The following GFOD1 variants were observed in gnomAD, a reference collection of about 807,000 sequenced individuals.
GFOD1 encodes glucose-fructose oxidoreductase domain-containing protein 1.
In GFOD1, 9 loss-of-function variants were observed where a neutral mutation model predicts 25.4. The ratio of observed to expected loss-of-function variants is 0.35; its 90% CI spans 0.21 to 0.62. The LOEUF (loss-of-function observed/expected upper bound fraction) is 0.62. Ranked by LOEUF, GFOD1 falls within the 20% of genes least tolerant of loss-of-function variation. The pLI is 0.72. For missense variants in GFOD1, 403 were observed against 556.9 expected (o/e 0.72, Z 2.78); for synonymous variants, 253 against 245.6 (o/e 1.03, Z -0.28).
At chr6:13,446,469 A>G (rs1758004843) in intron 1 of GFOD1, among the ~76,000 whole-genome samples, 1 of 152,160 alleles carries the variant, frequency 6.6e-6, no homozygotes, top group South Asian at 2.1e-4. Flanking sequence ...GGGAGGATCC[A>G]CATCCTGAAA....
chr6:13,388,901 T>C (rs935811820), intron 1 of GFOD1, among the ~76,000 whole-genome samples: 14 of 152,060 alleles, frequency 9.2e-5, no homozygotes, highest in Non-Finnish European at 1.5e-5. Flanking sequence ...TACAAAGAAC[T>C]TAAACAAATT....
intron 1 of GFOD1, chr6:13,470,280 T>C: frequency 6.3e-7 from 1 of 1,590,036 alleles, no homozygotes; most frequent in Non-Finnish European, 8.6e-7. Context: ...GAATCCCCCA[T>C]GCCAGCAGGC....
chr6:13,364,729 G>A lies in GFOD1; in HGVS notation c.*14C>T. The stretch of plus-strand genomic sequence containing the variant: ...CCTGCAGAAGGCTCAAGTCCCCGAG[G>A]TTCTCAATCTGTGCTAACAGTAGAG... On this transcript the variant is annotated 3_prime_UTR_variant, in exon 2 of 2. Transcript: ENST00000379287. This position sits in a 1 kb window ranked among gnomAD's most constrained non-coding sequence, Gnocchi z 4.1. 4 of 1,595,754 alleles carry A rather than the reference G, an allele frequency of 2.5e-6. No individual in the cohort carries two copies. The highest frequency in any genetic ancestry group is 1.1e-5 in the South Asian group (1 of 90,398).
intron 1 of GFOD1, among the ~76,000 whole-genome samples, chr6:13,391,522 A>G (rs1268608509): frequency 6.6e-6 from 1 of 151,604 alleles, no homozygotes; most frequent in Non-Finnish European, 1.5e-5. Context: ...AAAAAAAAAA[A>G]AAAAAAAAGA....
intron 1 of GFOD1, chr6:13,470,449 C>T (rs541729528): frequency 6.5e-7 from 1 of 1,550,268 alleles, no homozygotes; most frequent in Non-Finnish European, 8.7e-7. Flanking sequence ...AGACAGGCTG[C>T]ATCCCTAAGG....
chr6:13,428,216 G>A (rs557822561), intron 1 of GFOD1, among the ~76,000 whole-genome samples: 9 of 152,264 alleles, frequency 5.9e-5, no homozygotes, highest in Admixed American at 2.6e-4. Flanking sequence ...CCCACTTTGC[G>A]GTCTCTCTGC....
intron 1 of GFOD1, among the ~76,000 whole-genome samples, chr6:13,399,758 A>C (rs1785806059): frequency 6.6e-6 from 1 of 152,222 alleles, no homozygotes; most frequent in South Asian, 2.1e-4. Flanking sequence ...AATGCACCAA[A>C]AAGTCAACTA....
chr6:13,479,031 CTGAAGCTTGGCTTAGGTACCATCCCT>C (rs1295861544), intron 1 of GFOD1, among the ~76,000 whole-genome samples: 7 of 149,358 alleles, frequency 4.7e-5, no homozygotes, highest in African/African-American at 1.7e-4. Flanking sequence ...AATATGACAC[CTGAAGCTTGGCTTAGGTACCATCCCT>C]TTACCAAAAA....
At chr6:13,462,480 A>G (rs936489689) in intron 1 of GFOD1, among the ~76,000 whole-genome samples, 3 of 152,166 alleles carry the variant, frequency 2.0e-5, no homozygotes, top group African/African-American at 4.8e-5. Context: ...CTCACACCCA[A>G]TTCATCTTCA....
At chr6:13,486,247 T>TCCCCCCCCCCCCCCCC (rs373896526) in intron 1 of GFOD1, 40 of 116,318 alleles carry the variant, frequency 3.4e-4, no homozygotes, top group African/African-American at 1.0e-3. Context: ...CACCCCCCCA[T>TCCCCCCCCCCCCCCCC]CCCCCCCCCC....
intron 1 of GFOD1, among the ~76,000 whole-genome samples, chr6:13,443,699 C>T (rs1395220849): frequency 5.3e-5 from 8 of 151,672 alleles, no homozygotes; most frequent in Admixed American, 5.3e-4. Context: ...ACCTGTAATC[C>T]CAGCTACTCG....
intron 1 of GFOD1, among the ~76,000 whole-genome samples, chr6:13,455,235 G>A (rs1450883282): frequency 1.3e-5 from 2 of 152,080 alleles, no homozygotes. Context: ...GGTGGGTCAG[G>A]TTTCTGACCC....
chr6:13,455,675 AAT>A (rs1445326785), intron 1 of GFOD1, among the ~76,000 whole-genome samples: 1 of 152,138 alleles, frequency 6.6e-6, no homozygotes, highest in East Asian at 1.9e-4. Context: ...AAGAGAAATA[AAT>A]GTTTCAGCCA....
intron 1 of GFOD1, chr6:13,486,360 G>A: frequency 1.9e-6 from 1 of 538,084 alleles, no homozygotes; most frequent in Non-Finnish European, 3.3e-6. Context: ...TTCCTAGTTC[G>A]GATCCCCGGA....
At position 13,358,755 on chromosome 6, in the gene GFOD1, C is replaced by T. The variant is rs138781806; in HGVS notation, c.*5988G>A. The T allele has an allele frequency of 1.9e-4, 29 of 152,488 alleles. No individual in the cohort carries two copies. Among genetic ancestry groups the T allele is most frequent in the African/African-American group, 7.0e-4 (29 of 41,600 alleles). The allele number at this position is 152,488 out of a possible 1,614,324, so 9.4% of individuals were successfully genotyped here. ...GAGAGACAGTGACCTGGTGACAACTCCATGACTATTGTCTAGCCCCTGCCT... is the reference window on the plus strand; with the variant it reads ...GAGAGACAGTGACCTGGTGACAACTTCATGACTATTGTCTAGCCCCTGCCT... On this transcript the variant is annotated 3_prime_UTR_variant, in exon 2 of 2. Coordinates refer to ENST00000379287, the MANE Select transcript of GFOD1 (RefSeq NM_018988.4).
At chr6:13,404,225 G>A (rs964739117) in intron 1 of GFOD1, among the ~76,000 whole-genome samples, 7 of 152,108 alleles carry the variant, frequency 4.6e-5, no homozygotes, top group Non-Finnish European at 1.0e-4. Flanking sequence ...GATCCCAAGG[G>A]TCCAAGTCTG....
chr6:13,363,880 A>G lies in GFOD1; in HGVS notation c.*863T>C, dbSNP rs1784989035. 6.6e-6 allele frequency: 1 copy of G among 152,200 alleles called. No homozygotes were observed. Among genetic ancestry groups the G allele is most frequent in the Admixed American group, 6.5e-5 (1 of 15,274 alleles). The allele number at this position is 152,200 out of a possible 1,614,324, so 9.4% of individuals were successfully genotyped here. A position where few individuals can be genotyped will look rare whatever the true frequency, so the allele number is the denominator to read the frequency against. On this transcript the variant is annotated 3_prime_UTR_variant, in exon 2 of 2. Coordinates refer to ENST00000379287, the MANE Select transcript of GFOD1 (RefSeq NM_018988.4). ...CGTGGCAGGGCTACCTTAACACCGC[A>G]GTAATCCCTCTGATACTCAATTCCA...
chr6:13,465,222 TA>T (rs36004362), intron 1 of GFOD1, among the ~76,000 whole-genome samples: 2 of 150,926 alleles, frequency 1.3e-5, no homozygotes, highest in African/African-American at 4.9e-5. Flanking sequence ...GCTGATGAGC[TA>T]AAAAAAAATG....
chr6:13,484,717 GC>G (rs372401468), intron 1 of GFOD1, among the ~76,000 whole-genome samples: 9 of 152,152 alleles, frequency 5.9e-5, no homozygotes, highest in African/African-American at 2.2e-4. Flanking sequence ...TGAAACCAGA[GC>G]CCCCAGACAC....
Sources: gnomAD v4.1 joint callset for allele counts (sites outside exome capture counted in the v4.1 genomes callset) on GRCh38, gnomAD v4.1.1 for gene constraint, Gnocchi (gnomAD v3.1) non-coding constraint, MANE v1.5 for transcripts, NCBI Gene and HGNC (gene_info 2026-07-23, HGNC 2026-07-21) for gene names.